Variants in LMNTD1 observed in about 807,000 individuals in gnomAD.
LMNTD1 encodes lamin tail domain containing 1, also known as lamin tail domain-containing protein 1.
A neutral mutation model predicts 50.9 loss-of-function variants in LMNTD1; 35 were observed. The observed-to-expected ratio is 0.69, with a 90% CI of 0.53 to 0.91. LMNTD1 has a LOEUF of 0.91. LMNTD1 is among the 40% of genes least tolerant of loss of function. The pLI, the probability that LMNTD1 is intolerant of heterozygous loss-of-function variation, is 0.00. For synonymous variants in LMNTD1, 153 were observed against 161.9 expected (o/e 0.94, Z 0.42); for missense variants, 470 against 475.5 (o/e 0.99, Z 0.11).
intron 1 of LMNTD1, among the ~76,000 whole-genome samples, chr12:25,559,577 G>A (rs1185047899): frequency 2.6e-5 from 4 of 152,078 alleles, no homozygotes; most frequent in Non-Finnish European, 5.9e-5. Flanking sequence ...GGGATGGCTG[G>A]GTCAAATGGT....
At chr12:25,625,824 T>C (rs1459352396) in intron 1 of LMNTD1, among the ~76,000 whole-genome samples, 1 of 152,082 alleles carries the variant, frequency 6.6e-6, no homozygotes, top group African/African-American at 2.4e-5. Context: ...CCCCAGAGCC[T>C]GGGATGGCAC....
intron 8 of LMNTD1, among the ~76,000 whole-genome samples, chr12:25,518,113 C>G (rs569539329): frequency 6.6e-6 from 1 of 152,290 alleles, no homozygotes; most frequent in Non-Finnish European, 1.5e-5. Flanking sequence ...TACAACTTCA[C>G]CAGGATATTG....
intron 9 of LMNTD1, among the ~76,000 whole-genome samples, chr12:25,482,522 T>G (rs1205105791): frequency 6.6e-6 from 1 of 152,050 alleles, no homozygotes; most frequent in African/African-American, 2.4e-5. Context: ...TGGGGATGTC[T>G]CTTTTCCTTT....
chr12:25,533,558 C>G (rs1942363852), intron 4 of LMNTD1, among the ~76,000 whole-genome samples: 1 of 152,114 alleles, frequency 6.6e-6, no homozygotes, highest in Non-Finnish European at 1.5e-5. Flanking sequence ...TTCTTCCAAC[C>G]TGTATATACC....
chr12:25,538,450 A>C (rs1267707656), intron 4 of LMNTD1, among the ~76,000 whole-genome samples: 1 of 146,632 alleles, frequency 6.8e-6, no homozygotes, highest in Non-Finnish European at 1.5e-5. Flanking sequence ...TTTTCAACCC[A>C]GAATTTCATA....
upstream of LMNTD1, among the ~76,000 whole-genome samples, chr12:25,556,914 A>C (rs1944066333): frequency 6.6e-6 from 1 of 152,192 alleles, no homozygotes; most frequent in African/African-American, 2.4e-5. Context: ...TTAAATTGGT[A>C]ATACAAATAA....
intron 8 of LMNTD1, among the ~76,000 whole-genome samples, chr12:25,514,037 T>C (rs1186611801): frequency 1.3e-5 from 2 of 152,326 alleles, no homozygotes; most frequent in Non-Finnish European, 2.9e-5. Context: ...ATGGTTTTTC[T>C]ATGTGAAACT....
chr12:25,604,515 C>T (rs948734175), intron 1 of LMNTD1, among the ~76,000 whole-genome samples: 14 of 151,576 alleles, frequency 9.2e-5, no homozygotes, highest in Admixed American at 6.6e-4. Flanking sequence ...CACCCCACAA[C>T]AGTCCCCGGT....
intron 1 of LMNTD1, among the ~76,000 whole-genome samples, chr12:25,588,091 G>T (rs1047188207): frequency 1.3e-5 from 2 of 152,104 alleles, no homozygotes; most frequent in Middle Eastern, 3.2e-3. Context: ...AAAAGAACTG[G>T]CCATGTCTCA....
intron 1 of LMNTD1, among the ~76,000 whole-genome samples, chr12:25,562,747 A>G (rs949793047): frequency 1.3e-5 from 2 of 152,098 alleles, no homozygotes; most frequent in African/African-American, 4.8e-5. Flanking sequence ...ATTTGGTTCC[A>G]TTCTCCCCGT....
intron 1 of LMNTD1, among the ~76,000 whole-genome samples, chr12:25,615,455 T>C (rs1427839943): frequency 1.3e-5 from 2 of 150,806 alleles, no homozygotes; most frequent in Non-Finnish European, 2.9e-5. Context: ...TTTTTTAATT[T>C]TTTAATTTTT....
At chr12:25,576,752 A>T (rs1945037182) in intron 1 of LMNTD1, among the ~76,000 whole-genome samples, 1 of 152,138 alleles carries the variant, frequency 6.6e-6, no homozygotes, top group Non-Finnish European at 1.5e-5. Flanking sequence ...TGTTTTAGTC[A>T]TGAAGTCCTT....
At chr12:25,489,400 TC>T (rs1366293100) in intron 9 of LMNTD1, among the ~76,000 whole-genome samples, 1 of 151,694 alleles carries the variant, frequency 6.6e-6, no homozygotes, top group Non-Finnish European at 1.5e-5. Flanking sequence ...TCCAGGTGCG[TC>T]CGTCACCCCT....
intron 1 of LMNTD1, among the ~76,000 whole-genome samples, chr12:25,560,523 A>C (rs1313526248): frequency 1.3e-5 from 2 of 152,138 alleles, no homozygotes; most frequent in Non-Finnish European, 2.9e-5. Flanking sequence ...CTTGGCAATG[A>C]GGGCTCTTTT....
At chr12:25,564,250 A>T (rs1260449367) in intron 1 of LMNTD1, among the ~76,000 whole-genome samples, 2 of 152,072 alleles carry the variant, frequency 1.3e-5, no homozygotes, top group East Asian at 3.9e-4. Context: ...AGCTGTTCCT[A>T]TTCGGCCATC....
At chr12:25,557,792 C>T (rs1944103222), upstream of LMNTD1, among the ~76,000 whole-genome samples, 1 of 152,136 alleles carries the variant, frequency 6.6e-6, no homozygotes, top group Admixed American at 6.5e-5. Flanking sequence ...GAACCAAGAG[C>T]AAATAGTTAA....
chr12:25,580,592 T>C (rs1428941440), intron 1 of LMNTD1, among the ~76,000 whole-genome samples: 1 of 152,238 alleles, frequency 6.6e-6, no homozygotes, highest in Non-Finnish European at 1.5e-5. Flanking sequence ...AGACAGTCTT[T>C]ATAGTAATTC....
chr12:25,517,713 T>G lies in LMNTD1; in HGVS notation c.1189+1082A>C, dbSNP rs934658113. ...CCTAAAACTTAAAGTGTAAGAATAATAATAATAATAATAATAATAATAATA... is the reference window on the plus strand; with the variant it reads ...CCTAAAACTTAAAGTGTAAGAATAAGAATAATAATAATAATAATAATAATA... On this transcript the variant is annotated intron_variant, in intron 8 of 9. Coordinates refer to ENST00000458174, the MANE Select transcript of LMNTD1 (RefSeq NM_001145728.2). Among the ~76,000 whole-genome samples, 6 of 3,068 alleles carry G rather than the reference T, an allele frequency of 2.0e-3. No homozygotes were observed. The East Asian group carries it at 0.12, about 64-fold the overall frequency. 2.0% of individuals were successfully genotyped at this position (3,068 alleles called of 152,430 possible). A position where few individuals can be genotyped will look rare whatever the true frequency, so the allele number is the denominator to read the frequency against.
At chr12:25,633,504 G>T (rs1946763355) in intron 1 of LMNTD1, among the ~76,000 whole-genome samples, 1 of 152,114 alleles carries the variant, frequency 6.6e-6, no homozygotes, top group Non-Finnish European at 1.5e-5. Context: ...AATACAACTG[G>T]AAATCAACTC....
Sources: gnomAD v4.1 joint callset for allele counts (sites outside exome capture counted in the v4.1 genomes callset) on GRCh38, gnomAD v4.1.1 for gene constraint, MANE v1.5 for transcripts, NCBI Gene and HGNC (gene_info 2026-07-23, HGNC 2026-07-21) for gene names.